The following PTPRD variants were observed in gnomAD, a reference collection of about 807,000 sequenced individuals.
PTPRD encodes protein tyrosine phosphatase receptor type D.
A neutral mutation model predicts 214.5 loss-of-function variants in PTPRD; 34 were observed. The ratio of observed to expected loss-of-function variants is 0.16; its 90% CI spans 0.12 to 0.21. PTPRD has a LOEUF of 0.21. PTPRD is among the 10% of genes least tolerant of loss of function. The probability of loss-of-function intolerance (pLI) is 1.00; values close to 1 mark genes in which losing one functional copy is unlikely to be tolerated. For synonymous variants in PTPRD, 1,128 were observed against 845.7 expected, an observed-to-expected ratio of 1.33 and a Z score of -5.79; for missense variants, 2,545 against 2,398.7, an observed-to-expected ratio of 1.06 and a Z score of -1.27.
At chr9:10,029,891 T>G (rs561195329) in intron 4 of PTPRD, among the ~76,000 whole-genome samples, 3 of 152,276 alleles carry the variant, frequency 2.0e-5, no homozygotes, top group African/African-American at 7.2e-5. Context: ...CCCACTCAAA[T>G]TTCATCTTGA....
At chr9:9,495,310 CAAA>C (rs541722358) in intron 8 of PTPRD, among the ~76,000 whole-genome samples, 4 of 84,588 alleles carry the variant, frequency 4.7e-5, no homozygotes, top group Admixed American at 1.2e-4. Flanking sequence ...ACCTTCAAGC[CAAA>C]AAAAAAAAAA....
chr9:9,143,770 G>C (rs143237124), intron 10 of PTPRD, among the ~76,000 whole-genome samples: 77 of 152,312 alleles, frequency 5.1e-4, no homozygotes, highest in Admixed American at 1.1e-3. Context: ...GAAGGCTTGA[G>C]ACTGCCAGTT....
rs148000161 is a variant in PTPRD at position 9,764,222 on chromosome 9, T to C, written c.-326+2588A>G. 3.9e-3 allele frequency among the ~76,000 whole-genome samples: 601 copies of C among 152,290 alleles called. 2 individuals carry two copies. The highest frequency in any genetic ancestry group is 0.014 in the African/African-American group (571 of 41,564). ...AACAAACATTTGAACTAAAATATTA[T>C]GGGCATGCTATGGAGGTATAATTTT... On this transcript the variant is annotated intron_variant, in intron 6 of 45. Coordinates refer to ENST00000381196, the MANE Select transcript of PTPRD (RefSeq NM_002839.4).
intron 23 of PTPRD, among the ~76,000 whole-genome samples, chr9:8,502,846 G>GTATATATA (rs1360077149): frequency 2.9e-5 from 4 of 139,806 alleles, no homozygotes; most frequent in East Asian, 2.2e-4. Flanking sequence ...GTATGTGTGT[G>GTATATATA]TGTATATATA....
intron 8 of PTPRD, among the ~76,000 whole-genome samples, chr9:9,439,745 C>T (rs1000908637): frequency 2.6e-5 from 4 of 152,122 alleles, no homozygotes; most frequent in African/African-American, 7.2e-5. Context: ...ACTGTGAAGA[C>T]GAAGAGCATT....
At chr9:10,564,933 A>T (rs2065157161) in intron 2 of PTPRD, among the ~76,000 whole-genome samples, 1 of 152,128 alleles carries the variant, frequency 6.6e-6, no homozygotes, top group Non-Finnish European at 1.5e-5. Context: ...CTCTTTCATA[A>T]ATAACCAGTT....
intron 7 of PTPRD, among the ~76,000 whole-genome samples, chr9:9,577,126 A>G (rs2089144674): frequency 6.6e-6 from 1 of 152,186 alleles, no homozygotes; most frequent in African/African-American, 2.4e-5. Flanking sequence ...GTATTTGACT[A>G]GTTGGTCTTC....
At chr9:9,821,392 TG>T (rs1219769623) in intron 5 of PTPRD, among the ~76,000 whole-genome samples, 6 of 152,208 alleles carry the variant, frequency 3.9e-5, no homozygotes, top group Non-Finnish European at 8.8e-5. Context: ...CATTTGTGTG[TG>T]GCTTTCCCTC....
chr9:9,158,813 A>C (rs991303710), intron 10 of PTPRD, among the ~76,000 whole-genome samples: 5 of 152,282 alleles, frequency 3.3e-5, no homozygotes, highest in African/African-American at 1.2e-4. Context: ...TACTCAGTAA[A>C]ATATTAGCAA....
chr9:10,104,348 T>C (rs944860329), intron 3 of PTPRD, among the ~76,000 whole-genome samples: 1 of 151,696 alleles, frequency 6.6e-6, no homozygotes, highest in Non-Finnish European at 1.5e-5. Flanking sequence ...CATTTTATAA[T>C]TAAAAAAAGA....
intron 10 of PTPRD, among the ~76,000 whole-genome samples, chr9:9,042,683 T>C (rs1732517864): frequency 6.6e-6 from 1 of 151,022 alleles, no homozygotes; most frequent in Non-Finnish European, 1.5e-5. Flanking sequence ...GGGAATCATG[T>C]ATCTTATGAC....
chr9:8,483,453 C>T (rs1168870541), intron 30 of PTPRD, among the ~76,000 whole-genome samples: 1 of 152,004 alleles, frequency 6.6e-6, no homozygotes, highest in Non-Finnish European at 1.5e-5. Context: ...TAAACTATGA[C>T]ATAAAATGCT....
At chr9:9,766,774 T>G (rs1018931553) in intron 6 of PTPRD, 36 bp downstream of exon 6, 1 of 152,560 alleles carries the variant, frequency 6.6e-6, no homozygotes, top group African/African-American at 2.4e-5. Flanking sequence ...ACTTCATTTA[T>G]GGAGAAATTT....
intron 11 of PTPRD, among the ~76,000 whole-genome samples, chr9:8,993,864 T>G (rs2099386751): frequency 6.6e-6 from 1 of 152,094 alleles, no homozygotes; most frequent in South Asian, 2.1e-4. Context: ...TTATAAAACC[T>G]AGCAGGAGGG....
At chr9:10,328,513 G>C (rs2096688636) in intron 3 of PTPRD, among the ~76,000 whole-genome samples, 1 of 151,736 alleles carries the variant, frequency 6.6e-6, no homozygotes, top group African/African-American at 2.4e-5. Flanking sequence ...GAACTTGTTA[G>C]CAACTTAAAC....
At chr9:10,160,351 T>C (rs1009290031) in intron 3 of PTPRD, among the ~76,000 whole-genome samples, 12 of 151,956 alleles carry the variant, frequency 7.9e-5, no homozygotes, top group African/African-American at 2.9e-4. Flanking sequence ...ATTGAAGTCA[T>C]AACAAAAAGG....
At chr9:9,022,248 G>A (rs1051952139) in intron 10 of PTPRD, among the ~76,000 whole-genome samples, 19 of 152,046 alleles carry the variant, frequency 1.2e-4, no homozygotes, top group Admixed American at 3.9e-4. Flanking sequence ...CGTAGCCTAC[G>A]TGTGCAGGGT....
Position 8,449,832 on chromosome 9 carries a change from C to G in PTPRD, c.3881G>C (p.Arg1294Thr). The stretch of plus-strand genomic sequence containing the variant: ...GCTTTTTCTAGAGTCGGACTCTGCC[C>G]TCTTCCTATAGGGGGAAAATAGAAA... ...VIAILLYKRK[R>T]AESDSRKSSI... The change falls in exon 34 of 46, where the codon AGG (arginine) becomes ACG (threonine). Residue 1294 changes from arginine (R) to threonine (T), a missense_variant. Coordinates refer to ENST00000381196, the MANE Select transcript of PTPRD (RefSeq NM_002839.4). 1.2e-6 allele frequency: 2 copies of G among 1,613,728 alleles called. No homozygotes were observed. The highest frequency in any genetic ancestry group is 1.1e-5 in the South Asian group (1 of 91,028).
At chr9:9,469,417 G>T (rs1446020761) in intron 8 of PTPRD, among the ~76,000 whole-genome samples, 3 of 152,088 alleles carry the variant, frequency 2.0e-5, no homozygotes, top group Admixed American at 6.6e-5. Context: ...GGCTCACTGG[G>T]TCTCACATGA....
Sources: allele counts gnomAD v4.1 joint callset (sites outside exome capture counted in the v4.1 genomes callset), GRCh38; gene constraint gnomAD v4.1.1; transcripts MANE v1.5; gene names NCBI Gene and HGNC (gene_info 2026-07-23, HGNC 2026-07-21).